KIAA1549L: variants seen among roughly 807,000 people sequenced by gnomAD.
KIAA1549L encodes the protein UPF0606 protein KIAA1549L.
A neutral mutation model predicts 160.7 loss-of-function variants in KIAA1549L; 88 were observed. The ratio of observed to expected loss-of-function variants is 0.55; its 90% CI spans 0.46 to 0.65. The LOEUF is 0.65. KIAA1549L is among the 30% of genes least tolerant of loss of function. The pLI, the probability that KIAA1549L is intolerant of heterozygous loss-of-function variation, is 0.00. For synonymous variants in KIAA1549L, 950 were observed against 976.7 expected, an observed-to-expected ratio of 0.97 and a Z score of 0.51; for missense variants, 2,258 against 2,437.5, an observed-to-expected ratio of 0.93 and a Z score of 1.55.
chr11:33,451,878 C>T (rs1851727798), intron 1 of KIAA1549L, among the ~76,000 whole-genome samples: 1 of 152,312 alleles, frequency 6.6e-6, no homozygotes, highest in East Asian at 1.9e-4. Flanking sequence ...GAGTTCAAGA[C>T]CAATTAGCTG....
chr11:33,538,684 G>A (rs80242710), intron 1 of KIAA1549L, among the ~76,000 whole-genome samples: 1 of 152,138 alleles, frequency 6.6e-6, no homozygotes, highest in Non-Finnish European at 1.5e-5. Flanking sequence ...TATTGACTCT[G>A]TTGTTAAGCT....
Position 33,561,698 on chromosome 11 carries a change from C to T in KIAA1549L, c.4041C>T (p.Asp1347=). The change falls in exon 8 of 21, where the codon GAC becomes GAT. Residue 1347 remains aspartate, a synonymous_variant. Transcript: ENST00000658780. ...TAGCACTGGAATATCCCAACCTTGA[C>T]ATATCAGAAACAACCAGAGACTATT... ...IAEPLEYPNL[D]ISETTRDYWV... 1 of 1,609,492 alleles carries T rather than the reference C, an allele frequency of 6.2e-7. No individual in the cohort carries two copies. Among genetic ancestry groups the T allele is most frequent in the East Asian group, 2.2e-5 (1 of 44,848 alleles).
intron 1 of KIAA1549L, among the ~76,000 whole-genome samples, chr11:33,394,743 C>T (rs1850339763): frequency 6.6e-6 from 1 of 152,220 alleles, no homozygotes; most frequent in Non-Finnish European, 1.5e-5. Flanking sequence ...CACATAAAGA[C>T]AAAATGAGTG....
rs150642163 is a variant in KIAA1549L, at chr11:33,458,689, G to A, written c.238+81800G>A. On this transcript the variant is annotated intron_variant, in intron 1 of 20. Coordinates refer to ENST00000658780, the MANE Select transcript of KIAA1549L (RefSeq NM_012194.3). ...AGGATGAATAGTATTCAGGGTACAG[G>A]AAATGGGAAAAGAGGGTGATCTAAG... Among the ~76,000 whole-genome samples, 793 of 152,322 alleles carry A rather than the reference G, an allele frequency of 5.2e-3. 6 individuals are homozygous for A. The highest frequency in any genetic ancestry group is 9.4e-3 in the Non-Finnish European group (642 of 68,026).
At chr11:33,505,047 T>C (rs1590295057) in intron 1 of KIAA1549L, among the ~76,000 whole-genome samples, 3 of 152,246 alleles carry the variant, frequency 2.0e-5, no homozygotes, top group South Asian at 4.1e-4. Flanking sequence ...ATTACAGGCG[T>C]GAGCCACCAC....
At chr11:33,580,345 G>A (rs986055236) in intron 10 of KIAA1549L, among the ~76,000 whole-genome samples, 4 of 152,036 alleles carry the variant, frequency 2.6e-5, no homozygotes, top group Admixed American at 2.0e-4. Flanking sequence ...AGGCTGAGGT[G>A]GGTGGATCAC....
intron 1 of KIAA1549L, among the ~76,000 whole-genome samples, chr11:33,443,065 C>T (rs1181078810): frequency 6.6e-6 from 1 of 151,970 alleles, no homozygotes; most frequent in Non-Finnish European, 1.5e-5. Flanking sequence ...TTTGTGTAAT[C>T]CTGTTTTATT....
chr11:33,655,782 C>T (rs1035145213), intron 17 of KIAA1549L, among the ~76,000 whole-genome samples: 4 of 152,118 alleles, frequency 2.6e-5, no homozygotes, highest in African/African-American at 9.7e-5. Flanking sequence ...TTGGCGTGTT[C>T]TGAGAATGGT....
intron 1 of KIAA1549L, among the ~76,000 whole-genome samples, chr11:33,526,008 G>A (rs959162967): frequency 2.8e-4 from 42 of 152,038 alleles, no homozygotes; most frequent in African/African-American, 1.0e-3. Context: ...GTTCAGACCC[G>A]CCTACCCCAG....
intron 1 of KIAA1549L, among the ~76,000 whole-genome samples, chr11:33,452,537 G>A (rs1851741860): frequency 6.6e-6 from 1 of 152,202 alleles, no homozygotes; most frequent in Non-Finnish European, 1.5e-5. Flanking sequence ...GAACCCAGGA[G>A]GTGGAGCTTG....
chr11:33,453,434 C>T (rs1565143727), intron 1 of KIAA1549L, among the ~76,000 whole-genome samples: 2 of 152,158 alleles, frequency 1.3e-5, no homozygotes. Flanking sequence ...GCTGCTTATA[C>T]AAGAGGATTC....
chr11:33,583,189 C>G (rs561431484), intron 10 of KIAA1549L, 149 bp from the exon 11 acceptor site: 3 of 652,090 alleles, frequency 4.6e-6, no homozygotes, highest in Non-Finnish European at 7.7e-6. Context: ...CACACAGCTG[C>G]GGAGGTGGAG....
At chr11:33,508,092 ACT>A (rs909105291) in intron 1 of KIAA1549L, among the ~76,000 whole-genome samples, 14 of 152,156 alleles carry the variant, frequency 9.2e-5, no homozygotes, top group African/African-American at 3.1e-4. Context: ...GGTCTGCTGC[ACT>A]CTGCCTTTCT....
At chr11:33,442,887 G>A (rs1851537926) in intron 1 of KIAA1549L, among the ~76,000 whole-genome samples, 1 of 152,026 alleles carries the variant, frequency 6.6e-6, no homozygotes, top group Admixed American at 6.5e-5. Flanking sequence ...GCTGCACTCT[G>A]GGTAATTTCT....
chr11:33,486,106 C>T (rs1852519860), intron 1 of KIAA1549L, among the ~76,000 whole-genome samples: 1 of 152,156 alleles, frequency 6.6e-6, no homozygotes, highest in Non-Finnish European at 1.5e-5. Context: ...ATCTCCTTGA[C>T]ATACCGATTT....
At chr11:33,534,393 G>T (rs1221224099) in intron 1 of KIAA1549L, among the ~76,000 whole-genome samples, 1 of 151,838 alleles carries the variant, frequency 6.6e-6, no homozygotes, top group East Asian at 1.9e-4. Context: ...GCACCTGGCC[G>T]CTTTCCACAA....
At chr11:33,608,442 C>T (rs1850564541) in intron 14 of KIAA1549L, among the ~76,000 whole-genome samples, 2 of 152,268 alleles carry the variant, frequency 1.3e-5, no homozygotes, top group African/African-American at 4.8e-5. Flanking sequence ...AAACCAGTCA[C>T]AGTCACTGAA....
chr11:33,456,457 C>T (rs1385873648), intron 1 of KIAA1549L, among the ~76,000 whole-genome samples: 1 of 152,096 alleles, frequency 6.6e-6, no homozygotes, highest in East Asian at 1.9e-4. Context: ...ATCACCTAGT[C>T]TGGGGTATGA....
intron 1 of KIAA1549L, among the ~76,000 whole-genome samples, chr11:33,512,066 G>A (rs1271691561): frequency 3.3e-5 from 5 of 152,276 alleles, no homozygotes; most frequent in Admixed American, 1.3e-4. Context: ...TCTTGATAAG[G>A]TACTACTGCA....
Sources: allele counts gnomAD v4.1 joint callset (sites outside exome capture counted in the v4.1 genomes callset), GRCh38; gene constraint gnomAD v4.1.1; transcripts MANE v1.5; gene names NCBI Gene and HGNC (gene_info 2026-07-23, HGNC 2026-07-21).